PAM16: variants seen among roughly 807,000 people sequenced by gnomAD.
PAM16 encodes the protein mitochondrial import inner membrane translocase subunit TIM16.
Under a neutral mutation model 17.9 loss-of-function variants are expected in PAM16, and 11 were observed. That is an observed-to-expected ratio of 0.62 (90% CI 0.39 to 1.02). The LOEUF is 1.02. PAM16 is among the 50% of genes least tolerant of loss of function. The probability of loss-of-function intolerance (pLI) is 0.01; values close to 1 mark genes in which losing one functional copy is unlikely to be tolerated. For missense variants in PAM16, 199 were observed against 165.4 expected, an observed-to-expected ratio of 1.20 and a Z score of -1.11; for synonymous variants, 72 against 67.4, an observed-to-expected ratio of 1.07 and a Z score of -0.34.
At chr16:4,349,217 A>C (rs1457018005) in intron 1 of PAM16, among the ~76,000 whole-genome samples, 1 of 151,530 alleles carries the variant, frequency 6.6e-6, no homozygotes, top group Non-Finnish European at 1.5e-5. Flanking sequence ...AGACCCCCAA[A>C]GTGCTGGGAT....
At chr16:4,351,140 G>T (rs1005136806) in intron 1 of PAM16, 92 bp downstream of exon 1, 1 of 679,620 alleles carries the variant, frequency 1.5e-6, no homozygotes, top group Non-Finnish European at 2.1e-6. Flanking sequence ...GGCGCACGGC[G>T]CCCGCCGCCC....
rs756882276 is a variant in PAM16 at position 4,341,440 on chromosome 16, G to A, written c.153C>T (p.Leu51=). The A allele has an allele frequency of 1.3e-5, 21 of 1,608,956 alleles. No homozygotes were observed. The highest frequency in any genetic ancestry group is 2.7e-5 in the African/African-American group (2 of 74,924). ...AGHRSAAASN[L]SGLSLQEAQQ... ...GTGCCTCCTGGAGGCTGAGGCCGGA[G>A]AGGTTGGAAGCGGCTGCAGACCGGT... The change falls in exon 3 of 5, where the codon CTC becomes CTT. Residue 51 remains leucine (L), a synonymous_variant. Transcript: ENST00000318059.
At chr16:4,343,384 G>C (rs369812109) in intron 1 of PAM16, 93 bp from the exon 2 acceptor site, 62 of 1,509,780 alleles carry the variant, frequency 4.1e-5, no homozygotes, top group Non-Finnish European at 5.3e-5. Context: ...CAAGGCTCCC[G>C]GAGACCCGAG....
chr16:4,342,767 T>C (rs897585843), intron 2 of PAM16, among the ~76,000 whole-genome samples: 4 of 152,028 alleles, frequency 2.6e-5, no homozygotes, highest in Non-Finnish European at 4.4e-5. Context: ...CAGACCAGCA[T>C]GGCCAACATA....
At chr16:4,346,532 C>T (rs998139257) in intron 1 of PAM16, among the ~76,000 whole-genome samples, 22 of 152,270 alleles carry the variant, frequency 1.4e-4, no homozygotes, top group Middle Eastern at 6.8e-3. Flanking sequence ...CCCTTTGCTT[C>T]CTCAGGGGTG....
Position 4,344,136 on chromosome 16 carries a change from G to C in PAM16, c.4-845C>G, listed in dbSNP as rs1414261725. On this transcript the variant is annotated intron_variant, in intron 1 of 4. Transcript: ENST00000318059. ...CCTGGGGACTCACTAAGATGTGAGC[G>C]GAAGCAACAGAGTCGAGGGAAAACT... is the stretch of plus-strand genomic sequence containing the variant. 4 of 396,272 alleles carry C rather than the reference G, an allele frequency of 1.0e-5. No individual in the cohort carries two copies. In the Admixed American group the frequency reaches 1.8e-4, roughly 18 times the overall value. 24.5% of individuals were successfully genotyped at this position (396,272 alleles called of 1,614,324 possible).
At chr16:4,345,200 T>C (rs923834939) in intron 1 of PAM16, 5 of 152,134 alleles carry the variant, frequency 3.3e-5, no homozygotes, top group Non-Finnish European at 7.4e-5. Flanking sequence ...GCCGAGTGAC[T>C]TTCCCTTTCT....
rs140616767 is a variant in PAM16 at position 4,343,234 on chromosome 16, C to T, written c.61G>A (p.Ala21Thr). The T allele has an allele frequency of 6.2e-7, 1 of 1,612,786 alleles. No homozygotes were observed. The highest frequency in any genetic ancestry group is 1.7e-5 in the Admixed American group (1 of 60,026). Residue 21 changes from alanine (A) to threonine (T), a missense_variant, in exon 2 of 5, where the codon GCA (alanine) becomes ACA (threonine). Transcript: ENST00000318059. ...MGVQVVGRAF[A>T]RALRQEFAAS... ...GCAAACTCCTGCCGCAAGGCCCGTG[C>T]AAAGGCCCTGCCCACCACCTGCACG...
intron 1 of PAM16, among the ~76,000 whole-genome samples, chr16:4,348,835 T>TTAG (rs895647200): frequency 2.6e-5 from 4 of 151,728 alleles, no homozygotes; most frequent in Non-Finnish European, 5.9e-5. Flanking sequence ...TTTTGTATTT[T>TTAG]TAGTACAGAG....
At chr16:4,346,723 T>G (rs907964946) in intron 1 of PAM16, 2 of 152,160 alleles carry the variant, frequency 1.3e-5, no homozygotes, top group Non-Finnish European at 2.9e-5. Flanking sequence ...TCTTTTATTT[T>G]TTATTTATTT....
chr16:4,341,222 C>A (rs193280318), intron 3 of PAM16, 146 bp downstream of exon 3: 3 of 1,371,724 alleles, frequency 2.2e-6, no homozygotes, highest in East Asian at 5.0e-5. Context: ...TAAAACTTCA[C>A]GAGCAACAGT....
chr16:4,340,454 A>T, intron 4 of PAM16, 49 bp from the exon 5 acceptor site: 1 of 1,587,758 alleles, frequency 6.3e-7, no homozygotes. Context: ...TCCGCCCCAT[A>T]CCCCTTGCCC....
chr16:4,343,021 C>A (rs373900812), intron 2 of PAM16, among the ~76,000 whole-genome samples, 186 bp downstream of exon 2: 14 of 152,346 alleles, frequency 9.2e-5, no homozygotes, highest in African/African-American at 3.1e-4. Flanking sequence ...CCAGCTCCTG[C>A]CCTGGATGCT....
intron 1 of PAM16, chr16:4,346,041 CA>C (rs1251827352): frequency 2.2e-6 from 2 of 910,678 alleles, no homozygotes; most frequent in Non-Finnish European, 2.6e-6. Flanking sequence ...GAGCTGAGGT[CA>C]TAACTGGGGA....
chr16:4,343,401 A>G (rs1277412317), intron 1 of PAM16, 110 bp from the exon 2 acceptor site: 1 of 1,493,842 alleles, frequency 6.7e-7, no homozygotes, highest in Non-Finnish European at 9.0e-7. Flanking sequence ...CGAGGTCATG[A>G]AGCACAGAGC....
chr16:4,342,609 G>A (rs776525128), intron 2 of PAM16, among the ~76,000 whole-genome samples: 4 of 151,704 alleles, frequency 2.6e-5, no homozygotes, highest in Non-Finnish European at 5.9e-5. Flanking sequence ...AGCCAAGATC[G>A]CACTATTGCA....
intron 2 of PAM16, 29 bp from the exon 3 acceptor site, chr16:4,341,533 T>C: frequency 6.3e-7 from 1 of 1,588,112 alleles, no homozygotes. Flanking sequence ...GATCGCTCAG[T>C]CCTCAGCAGC....
intron 4 of PAM16, 32 bp from the exon 5 acceptor site, chr16:4,340,437 C>T (rs2053625513): frequency 6.2e-7 from 1 of 1,603,502 alleles, no homozygotes. Flanking sequence ...GGCCGGGAGG[C>T]CAAGCCTCCG....
chr16:4,344,350 G>C (rs2053705735), intron 1 of PAM16, among the ~76,000 whole-genome samples: 1 of 3,990 alleles, frequency 2.5e-4, no homozygotes, highest in African/African-American at 1.4e-3. Context: ...GGGGTTCTGT[G>C]TGAGAAGAGG....
Sources: gnomAD v4.1 joint callset for allele counts (sites outside exome capture counted in the v4.1 genomes callset) on GRCh38, gnomAD v4.1.1 for gene constraint, MANE v1.5 for transcripts, NCBI Gene and HGNC (gene_info 2026-07-23, HGNC 2026-07-21) for gene names.